The following SYT14 variants were observed in gnomAD, a reference collection of about 807,000 sequenced individuals.
SYT14 encodes synaptotagmin-14.
In SYT14, 32 loss-of-function variants were observed where a neutral mutation model predicts 74.2. That is an observed-to-expected ratio of 0.43 (90% confidence interval 0.33 to 0.58). The LOEUF is 0.58. SYT14 is among the 20% of genes least tolerant of loss of function. The pLI is 0.05. For synonymous variants in SYT14, 298 were observed against 337.7 expected, an observed-to-expected ratio of 0.88 and a Z score of 1.29; for missense variants, 791 against 981.8, an observed-to-expected ratio of 0.81 and a Z score of 2.60.
At chr1:210,073,932 C>CAG (rs1553274766) in intron 5 of SYT14, among the ~76,000 whole-genome samples, 12 of 151,700 alleles carry the variant, frequency 7.9e-5, no homozygotes, top group Middle Eastern at 3.4e-3. Context: ...ATCAAGAAAA[C>CAG]AGATGAAATT....
chr1:209,964,726 A>G (rs2079128256), intron 2 of SYT14, among the ~76,000 whole-genome samples: 1 of 152,144 alleles, frequency 6.6e-6, no homozygotes, highest in Non-Finnish European at 1.5e-5. Flanking sequence ...CATGTATACC[A>G]TCTTCCTGCC....
chr1:210,129,811 T>C (rs1473936069), intron 7 of SYT14, among the ~76,000 whole-genome samples: 1 of 152,214 alleles, frequency 6.6e-6, no homozygotes, highest in Non-Finnish European at 1.5e-5. Context: ...ATTCTCAATC[T>C]TAATTACACT....
At chr1:210,027,561 C>T (rs2080441300) in intron 5 of SYT14, among the ~76,000 whole-genome samples, 1 of 152,028 alleles carries the variant, frequency 6.6e-6, no homozygotes, top group Admixed American at 6.6e-5. Flanking sequence ...CTCATCCATC[C>T]CAGAGATGGA....
At chr1:209,987,845 C>T (rs2079597731) in intron 2 of SYT14, among the ~76,000 whole-genome samples, 1 of 152,164 alleles carries the variant, frequency 6.6e-6, no homozygotes, top group Admixed American at 6.5e-5. Flanking sequence ...AGCCTTACCT[C>T]TTTTCTTTTG....
At chr1:210,008,792 A>G (rs986338584) in intron 2 of SYT14, among the ~76,000 whole-genome samples, 5 of 152,232 alleles carry the variant, frequency 3.3e-5, no homozygotes, top group Non-Finnish European at 5.9e-5. Context: ...TCTTATACTT[A>G]TGCAGAATGA....
intron 5 of SYT14, among the ~76,000 whole-genome samples, chr1:210,075,666 G>A (rs1175953876): frequency 6.6e-6 from 1 of 152,082 alleles, no homozygotes; most frequent in East Asian, 1.9e-4. Context: ...CAGGATGGGG[G>A]CGTGGCTGGC....
intron 5 of SYT14, among the ~76,000 whole-genome samples, chr1:210,041,508 A>G (rs1001059956): frequency 1.3e-5 from 2 of 152,172 alleles, no homozygotes; most frequent in South Asian, 4.1e-4. Context: ...GCAGAGGTGA[A>G]TATATGCAGT....
exon 10 of SYT14, chr1:210,170,214 C>T (rs1397646926): frequency 6.6e-6 from 1 of 152,116 alleles, no homozygotes; most frequent in Non-Finnish European, 1.5e-5. Flanking sequence ...TTAGTATAAA[C>T]ACATGTCTGT....
intron 2 of SYT14, among the ~76,000 whole-genome samples, chr1:209,996,565 C>A (rs762154746): frequency 6.6e-6 from 1 of 151,998 alleles, no homozygotes; most frequent in Non-Finnish European, 1.5e-5. Context: ...TGAAACTATT[C>A]CAGGAAATCA....
chr1:209,994,244 T>C (rs966284013), intron 2 of SYT14, among the ~76,000 whole-genome samples: 4 of 152,092 alleles, frequency 2.6e-5, no homozygotes, highest in Admixed American at 6.6e-5. Context: ...ATCTAAGGAA[T>C]CCAGTAAGAT....
intron 2 of SYT14, among the ~76,000 whole-genome samples, chr1:209,995,368 A>G (rs1221406849): frequency 6.6e-6 from 1 of 152,228 alleles, no homozygotes; most frequent in African/African-American, 2.4e-5. Context: ...ATGTTAAGCC[A>G]ATAAAAATTA....
At chr1:210,089,122 A>G (rs11119404) in intron 5 of SYT14, among the ~76,000 whole-genome samples, 19,671 of 152,032 alleles carry the variant, frequency 0.13, 4,001 homozygotes, top group African/African-American at 0.44. Flanking sequence ...GAGTGAGAAC[A>G]TGTGGTGTTT....
At chr1:209,987,294 A>T (rs557613813) in intron 2 of SYT14, among the ~76,000 whole-genome samples, 2 of 152,254 alleles carry the variant, frequency 1.3e-5, no homozygotes, top group Admixed American at 1.3e-4. Context: ...TTGTGTTGCT[A>T]TAAAGAAATA....
chr1:210,132,486 C>A (rs2082695198), intron 7 of SYT14, among the ~76,000 whole-genome samples: 1 of 151,782 alleles, frequency 6.6e-6, no homozygotes, highest in South Asian at 2.1e-4. Context: ...CAGATTATTT[C>A]ATCACCCTTA....
At chr1:210,110,808 G>A (rs925061926) in intron 7 of SYT14, among the ~76,000 whole-genome samples, 4 of 152,102 alleles carry the variant, frequency 2.6e-5, no homozygotes, top group South Asian at 2.1e-4. Flanking sequence ...GCAATGGCGC[G>A]ATCTCAGCTT....
intron 1 of SYT14, among the ~76,000 whole-genome samples, 198 bp downstream of exon 1, chr1:209,938,475 G>T (rs1363729863): frequency 6.6e-6 from 1 of 151,768 alleles, no homozygotes; most frequent in Non-Finnish European, 1.5e-5. Context: ...GGCCCGACTG[G>T]CTCGCTCGCC....
intron 5 of SYT14, among the ~76,000 whole-genome samples, chr1:210,021,655 C>T (rs227227): frequency 0.57 from 86,345 of 152,004 alleles, 26,603 homozygotes; most frequent in African/African-American, 0.81. Flanking sequence ...TGTATACTGT[C>T]TCATTCAATA....
chr1:210,126,032 A>G (rs889723867), intron 7 of SYT14, among the ~76,000 whole-genome samples: 1 of 151,996 alleles, frequency 6.6e-6, no homozygotes, highest in Non-Finnish European at 1.5e-5. Context: ...GTGAAACCCC[A>G]TCTCTACTAA....
At chr1:209,946,044 C>T (rs902695702) in intron 1 of SYT14, among the ~76,000 whole-genome samples, 1 of 152,108 alleles carries the variant, frequency 6.6e-6, no homozygotes, top group Non-Finnish European at 1.5e-5. Context: ...TTTGATGCTA[C>T]TATTGTAATT....
Sources: allele counts gnomAD v4.1 joint callset (sites outside exome capture counted in the v4.1 genomes callset), GRCh38; gene constraint gnomAD v4.1.1; transcripts MANE v1.5; gene names NCBI Gene and HGNC (gene_info 2026-07-23, HGNC 2026-07-21).